Variants in EXT2 observed in about 807,000 individuals in gnomAD.
The protein encoded by EXT2 is exostosin glycosyltransferase 2, also known as exostosin-2.
Under a neutral mutation model 81.6 loss-of-function variants are expected in EXT2, and 53 were observed. The ratio of observed to expected loss-of-function variants is 0.65; its 90% CI spans 0.52 to 0.82. EXT2 has a LOEUF of 0.82. Among genes scored for constraint, EXT2 ranks in the 40% least tolerant of loss-of-function variants. The probability of loss-of-function intolerance (pLI) is 0.00; values close to 1 mark genes in which losing one functional copy is unlikely to be tolerated. For missense variants in EXT2, 774 were observed against 910.2 expected (o/e 0.85, Z 1.93); for synonymous variants, 320 against 340.0 (o/e 0.94, Z 0.65).
At chr11:44,169,428 A>G (rs1389685793) in intron 7 of EXT2, among the ~76,000 whole-genome samples, 2 of 152,110 alleles carry the variant, frequency 1.3e-5, no homozygotes, top group African/African-American at 2.4e-5. Context: ...AACAATAACA[A>G]AAGACTAAAT....
chr11:44,101,952 A>G (rs11037861), intron 1 of EXT2, among the ~76,000 whole-genome samples: 2 of 127,950 alleles, frequency 1.6e-5, no homozygotes, highest in African/African-American at 2.7e-5. Flanking sequence ...AGTAAAAAAA[A>G]AAAAAAAAAA....
chr11:44,133,283 A>T (rs1339479003), intron 7 of EXT2, among the ~76,000 whole-genome samples: 2 of 152,204 alleles, frequency 1.3e-5, no homozygotes, highest in Non-Finnish European at 2.9e-5. Context: ...AGGAGTAATT[A>T]AAAAAATGGT....
intron 8 of EXT2, among the ~76,000 whole-genome samples, chr11:44,181,768 GT>G (rs1419628020): frequency 6.6e-6 from 1 of 151,892 alleles, no homozygotes; most frequent in African/African-American, 2.4e-5. Flanking sequence ...TTATTGTTTG[GT>G]TTCTTTGAAT....
At chr11:44,106,818 C>T (rs568999258) in intron 1 of EXT2, among the ~76,000 whole-genome samples, 3 of 152,214 alleles carry the variant, frequency 2.0e-5, no homozygotes, top group South Asian at 2.1e-4. Context: ...TTAGTAGAGA[C>T]GGGTTTTGCC....
intron 1 of EXT2, among the ~76,000 whole-genome samples, chr11:44,103,492 C>T (rs1954014485): frequency 1.3e-5 from 2 of 152,208 alleles, no homozygotes; most frequent in South Asian, 4.1e-4. Flanking sequence ...ACTTCAAGAA[C>T]CAGTGTTCTA....
intron 8 of EXT2, among the ~76,000 whole-genome samples, chr11:44,173,563 C>CTTTTTTTTTTTTTTTTTTTTTTTTT (rs66702988): frequency 9.0e-5 from 9 of 100,072 alleles, no homozygotes; most frequent in East Asian, 3.3e-4. Context: ...TTCTTTCTTT[C>CTTTTTTTTTTTTTTTTTTTTTTTTT]TTTTTTTTTT....
chr11:44,165,321 T>C (rs1270559451), intron 7 of EXT2, among the ~76,000 whole-genome samples: 1 of 152,238 alleles, frequency 6.6e-6, no homozygotes, highest in African/African-American at 2.4e-5. Context: ...TTCCTCTCTG[T>C]GGACAAGCAG....
Position 44,107,723 on chromosome 11 carries a change from C to T in EXT2, c.11C>T (p.Ser4Leu), listed in dbSNP as rs527624522. Residue 4 changes from serine (S) to leucine (L), a missense_variant, in exon 2 of 14, where the codon TCG becomes TTG. Coordinates refer to ENST00000533608, the MANE Select transcript of EXT2 (RefSeq NM_207122.2). MCA[S>L]VKYNIRGPAL... ...GCTGTCTGTGTCATTATGTGTGCGT[C>T]GGTCAAGTATAATATCCGGGGTCCT... is the stretch of plus-strand genomic sequence containing the variant. 61 of 1,614,140 alleles carry T rather than the reference C, an allele frequency of 3.8e-5. 2 individuals are homozygous for T. In the Middle Eastern group the frequency reaches 6.6e-4, roughly 17 times the overall value.
At chr11:44,215,116 ACTC>A (rs1955702678) in intron 10 of EXT2, among the ~76,000 whole-genome samples, 1 of 150,286 alleles carries the variant, frequency 6.7e-6, no homozygotes, top group Non-Finnish European at 1.5e-5. Flanking sequence ...TTTAATTACT[ACTC>A]CTTTCTTGAT....
chr11:44,095,887 G>C (rs994045289), intron 1 of EXT2, 35 bp downstream of exon 1: 3 of 222,342 alleles, frequency 1.3e-5, no homozygotes, highest in African/African-American at 2.4e-5. Context: ...GGCCGGGCGG[G>C]CGCTGAAGCG....
rs117977743 is a variant in EXT2 at position 44,119,337 on chromosome 11, G to A, written c.743+5036G>A. On this transcript the variant is annotated intron_variant, in intron 4 of 13. Coordinates refer to ENST00000533608, the MANE Select transcript of EXT2 (RefSeq NM_207122.2). ...ACTTATTACGGCAAAAGGATGCACA[G>A]CACAGTCAGAGAGGTAGAAGACGCA... is the stretch of plus-strand genomic sequence containing the variant. Among the ~76,000 whole-genome samples, 1,089 of 151,802 alleles carry A rather than the reference G, an allele frequency of 7.2e-3. 10 individuals are homozygous for A. The highest frequency in any genetic ancestry group is 0.031 in the East Asian group (159 of 5,124).
At chr11:44,129,466 T>C (rs955136519) in intron 6 of EXT2, among the ~76,000 whole-genome samples, 3 of 152,356 alleles carry the variant, frequency 2.0e-5, no homozygotes, top group African/African-American at 7.2e-5. Flanking sequence ...CCCACCATAC[T>C]GCTTCTTCAG....
chr11:44,186,280 A>G (rs1955309918), intron 8 of EXT2, among the ~76,000 whole-genome samples: 1 of 152,258 alleles, frequency 6.6e-6, no homozygotes, highest in Non-Finnish European at 1.5e-5. Flanking sequence ...TATTACTTGC[A>G]GACTGCTGTA....
At chr11:44,123,419 T>G (rs953713192) in intron 4 of EXT2, among the ~76,000 whole-genome samples, 1 of 152,226 alleles carries the variant, frequency 6.6e-6, no homozygotes, top group African/African-American at 2.4e-5. Flanking sequence ...TGGATTTCAG[T>G]GTGTGCTGCT....
chr11:44,231,702 A>T (rs1018767471), intron 10 of EXT2, among the ~76,000 whole-genome samples: 2 of 152,220 alleles, frequency 1.3e-5, no homozygotes, highest in Non-Finnish European at 2.9e-5. Context: ...AGACTAAATT[A>T]TACAGAAACA....
intron 8 of EXT2, among the ~76,000 whole-genome samples, chr11:44,179,105 C>G (rs74539259): frequency 0.017 from 2,657 of 151,900 alleles, 80 homozygotes; most frequent in African/African-American, 0.062. Context: ...AGAACTTGGC[C>G]AATTCTGATG....
At chr11:44,204,746 G>A (rs1311305625) in intron 9 of EXT2, among the ~76,000 whole-genome samples, 1 of 152,156 alleles carries the variant, frequency 6.6e-6, no homozygotes, top group African/African-American at 2.4e-5. Flanking sequence ...TCTAATGCCG[G>A]ATGATCTGAG....
chr11:44,114,260 T>A lies in EXT2; in HGVS notation c.702T>A (p.Ser234Arg), dbSNP rs750826129. ...QGYDVSIPVY[S>R]PLSAEVDLPE... ...ACGATGTCAGCATTCCTGTCTATAG[T>A]CCACTGTCAGCTGAGGTGGATCTTC... is the stretch of plus-strand genomic sequence containing the variant. Residue 234 changes from serine to arginine, a missense_variant, in exon 4 of 14, where the codon AGT (serine) becomes AGA (arginine). Transcript: ENST00000533608. The A allele has an allele frequency of 2.5e-6, 4 of 1,614,118 alleles. No homozygotes were observed. The highest frequency in any genetic ancestry group is 3.4e-6 in the Non-Finnish European group (4 of 1,179,980).
At chr11:44,217,633 A>G (rs1564980720) in intron 10 of EXT2, among the ~76,000 whole-genome samples, 1 of 152,144 alleles carries the variant, frequency 6.6e-6, no homozygotes. Context: ...CTCATTTGCG[A>G]GGGACTCCTA....
Sources: allele counts gnomAD v4.1 joint callset (sites outside exome capture counted in the v4.1 genomes callset), GRCh38; gene constraint gnomAD v4.1.1; transcripts MANE v1.5; gene names NCBI Gene and HGNC (gene_info 2026-07-23, HGNC 2026-07-21).